The following WWC1 variants were observed in gnomAD, a reference collection of about 807,000 sequenced individuals.
The protein encoded by WWC1 is protein KIBRA.
A neutral mutation model predicts 138.4 loss-of-function variants in WWC1; 55 were observed. The observed-to-expected ratio is 0.40, with a 90% CI of 0.32 to 0.50. WWC1 has a LOEUF of 0.50. Ranked by LOEUF, WWC1 falls within the 20% of genes least tolerant of loss-of-function variation. WWC1 has a pLI of 0.72. For missense variants in WWC1, 1,226 were observed against 1,420.4 expected (o/e 0.86, Z 2.20); for synonymous variants, 524 against 564.9 (o/e 0.93, Z 1.03).
intron 5 of WWC1, among the ~76,000 whole-genome samples, chr5:168,403,096 C>CTTTTTTTTTTTTTTTTTT (rs765284380): frequency 9.9e-6 from 1 of 101,354 alleles, no homozygotes; most frequent in Non-Finnish European, 2.2e-5. Flanking sequence ...TCTTTTCTTT[C>CTTTTTTTTTTTTTTTTTT]TTTCTTTCTT....
intron 1 of WWC1, among the ~76,000 whole-genome samples, chr5:168,347,674 G>A (rs58935607): frequency 6.6e-6 from 1 of 152,252 alleles, no homozygotes; most frequent in African/African-American, 2.4e-5. Context: ...AAGGTGAAGA[G>A]CAATCTATGT....
chr5:168,318,817 C>T (rs1470350388), intron 1 of WWC1, among the ~76,000 whole-genome samples: 1 of 152,090 alleles, frequency 6.6e-6, no homozygotes, highest in Non-Finnish European at 1.5e-5. Context: ...GCCTTGGCCT[C>T]CCAAAGTGCT....
At chr5:168,425,627 A>C (rs1036199866) in intron 11 of WWC1, among the ~76,000 whole-genome samples, 1 of 150,982 alleles carries the variant, frequency 6.6e-6, no homozygotes, top group African/African-American at 2.4e-5. Context: ...GAGTAGCTGG[A>C]ATTACAGGTG....
intron 1 of WWC1, among the ~76,000 whole-genome samples, chr5:168,350,735 G>A (rs1582000467): frequency 6.6e-6 from 1 of 152,338 alleles, no homozygotes; most frequent in South Asian, 2.1e-4. Context: ...CTTAATAAAT[G>A]TTTATTGAGC....
At chr5:168,411,401 C>G (rs1483579324) in intron 8 of WWC1, among the ~76,000 whole-genome samples, 3 of 152,192 alleles carry the variant, frequency 2.0e-5, no homozygotes, top group Non-Finnish European at 4.4e-5. Flanking sequence ...AGCTCTGCCC[C>G]TCTGCCAACT....
chr5:168,304,007 A>T (rs1031219418), intron 1 of WWC1, among the ~76,000 whole-genome samples: 1 of 152,234 alleles, frequency 6.6e-6, no homozygotes, highest in African/African-American at 2.4e-5. Flanking sequence ...CCTTGGTCAA[A>T]GTTACTTATA....
intron 3 of WWC1, among the ~76,000 whole-genome samples, chr5:168,393,619 C>G (rs984537456): frequency 6.6e-6 from 1 of 152,156 alleles, no homozygotes; most frequent in Non-Finnish European, 1.5e-5. Context: ...CAAGAAGCTA[C>G]TGGAGATGAT....
chr5:168,467,229 G>A (rs1284668232), intron 21 of WWC1, among the ~76,000 whole-genome samples: 1 of 152,248 alleles, frequency 6.6e-6, no homozygotes, highest in African/African-American at 2.4e-5. Context: ...CTACACTCCA[G>A]CCTGGGCGAC....
rs1321194319 is a variant in WWC1, at chr5:168,423,690, C to A, written c.1432C>A (p.Gln478Lys). The A allele has an allele frequency of 1.9e-6, 3 of 1,614,190 alleles. No individual in the cohort carries two copies. Among genetic ancestry groups the A allele is most frequent in the Non-Finnish European group, 2.5e-6 (3 of 1,180,032 alleles). The change falls in exon 11 of 23, where the codon CAG becomes AAG. Residue 478 changes from glutamine (Q) to lysine (K), a missense_variant. Physicochemically the swap from Gln to Lys is moderately conservative, Grantham distance 53. Around this residue, in one of 3 missense-constraint regions of WWC1, gnomAD observed 1,016 missense variants for 1,153.9 expected, o/e 0.88. Transcript: ENST00000265293. ...DPFEQLDSEL[Q>K]SKVEFLLLEG... ...CTTTGAGCAGCTGGACTCAGAGCTGCAGAGCAAGGTGGAGTTCCTGCTCCT... is the reference window on the plus strand; with the variant it reads ...CTTTGAGCAGCTGGACTCAGAGCTGAAGAGCAAGGTGGAGTTCCTGCTCCT...
chr5:168,425,419 T>C (rs1405605210), intron 11 of WWC1, among the ~76,000 whole-genome samples: 1 of 152,114 alleles, frequency 6.6e-6, no homozygotes, highest in Non-Finnish European at 1.5e-5. Context: ...GTGTTTAGGA[T>C]TTAGGTACTT....
chr5:168,292,412 T>C lies in WWC1; in HGVS notation c.119+141T>C, dbSNP rs1318196553. The C allele has an allele frequency of 1.1e-6, 1 of 940,708 alleles. No homozygotes were observed. The highest frequency in any genetic ancestry group is 1.8e-5 in the South Asian group (1 of 56,566). 58.3% of individuals were successfully genotyped at this position (940,708 alleles called of 1,614,324 possible). ...CTCTCTTCAGTTCGCCACCCCCTGC[T>C]CCCCCCAACCTTCTGGAGCGCTGCT... On this transcript the variant is annotated intron_variant, in intron 1 of 22. Coordinates refer to ENST00000265293, the MANE Select transcript of WWC1 (RefSeq NM_015238.3). The surrounding 1 kb of genome is among the most constrained non-coding windows in gnomAD (Gnocchi z 4.4).
At chr5:168,384,759 C>T (rs1400407441) in intron 2 of WWC1, among the ~76,000 whole-genome samples, 1 of 133,994 alleles carries the variant, frequency 7.5e-6, no homozygotes, top group Non-Finnish European at 1.5e-5. Flanking sequence ...ATTATGTCAT[C>T]CAGGCTGGAG....
intron 20 of WWC1, among the ~76,000 whole-genome samples, chr5:168,462,836 T>G (rs974519219): frequency 6.6e-5 from 10 of 152,220 alleles, no homozygotes; most frequent in African/African-American, 2.2e-4. Context: ...CCTGCCCAAC[T>G]TCTGAGACTG....
In WWC1 at chr5:168,423,909, A is replaced by G; in HGVS notation, c.1651A>G (p.Met551Val). The G allele has an allele frequency of 3.1e-6, 5 of 1,612,540 alleles. No homozygotes were observed. Among genetic ancestry groups the G allele is most frequent in the Non-Finnish European group, 4.2e-6 (5 of 1,179,596 alleles). The change falls in exon 11 of 23, where the codon ATG becomes GTG. Residue 551 changes from methionine to valine, a missense_variant. This residue lies in a region of WWC1 where 1,016 missense variants were observed against 1,153.9 expected (regional missense o/e 0.88). Coordinates refer to ENST00000265293, the MANE Select transcript of WWC1 (RefSeq NM_015238.3). ...SSPSPPCSPL[M>V]ADPLLAGDAF... Reference sequence around the variant, plus strand: ...CCCCTCCCCACCCTGTTCCCCTCTCATGGCTGACCCCCTCCTGGCTGGTGA... The same window carrying G: ...CCCCTCCCCACCCTGTTCCCCTCTCGTGGCTGACCCCCTCCTGGCTGGTGA...
intron 5 of WWC1, among the ~76,000 whole-genome samples, chr5:168,403,605 C>T (rs1049597690): frequency 4.6e-5 from 7 of 152,160 alleles, no homozygotes; most frequent in Non-Finnish European, 8.8e-5. Flanking sequence ...AAAATCAAGA[C>T]GAAAGCTTGG....
At chr5:168,455,649 G>T in intron 19 of WWC1, 129 bp downstream of exon 19, 1 of 1,189,868 alleles carries the variant, frequency 8.4e-7, no homozygotes, top group Non-Finnish European at 1.2e-6. Context: ...CAGAGCCTCA[G>T]TTTCCTCAGG....
At chr5:168,321,698 C>T (rs937995519) in intron 1 of WWC1, among the ~76,000 whole-genome samples, 11 of 152,098 alleles carry the variant, frequency 7.2e-5, no homozygotes, top group Admixed American at 3.3e-4. Context: ...CCACCACGCC[C>T]GGCTAATTTT....
intron 1 of WWC1, among the ~76,000 whole-genome samples, chr5:168,323,496 A>G (rs1772291012): frequency 6.6e-6 from 1 of 152,024 alleles, no homozygotes; most frequent in Non-Finnish European, 1.5e-5. Context: ...GTCGTGAGCT[A>G]TGATTATGCC....
intron 14 of WWC1, among the ~76,000 whole-genome samples, chr5:168,430,635 A>T (rs762673880): frequency 2.7e-5 from 3 of 111,068 alleles, no homozygotes; most frequent in Non-Finnish European, 3.4e-5. Flanking sequence ...TTCTGTTTCC[A>T]AGAGTCAACA....
Sources: allele counts gnomAD v4.1 joint callset (sites outside exome capture counted in the v4.1 genomes callset), GRCh38; gene constraint gnomAD v4.1.1; regional missense constraint gnomAD v4.1.1; non-coding constraint Gnocchi (gnomAD v3.1); transcripts MANE v1.5; gene names NCBI Gene and HGNC (gene_info 2026-07-23, HGNC 2026-07-21).